ZNF451: variants seen among roughly 807,000 people sequenced by gnomAD.
ZNF451 encodes E3 SUMO-protein ligase ZNF451.
ZNF451 carries 80 observed loss-of-function variants against 107.1 expected under a neutral mutation model. The observed-to-expected ratio is 0.75, with a 90% CI of 0.62 to 0.90. ZNF451 has a LOEUF of 0.90. ZNF451 is among the 40% of genes least tolerant of loss of function. ZNF451 has a pLI of 0.00. For missense variants in ZNF451, 1,107 were observed against 1,236.2 expected (o/e 0.90, Z 1.57); for synonymous variants, 362 against 406.5 (o/e 0.89, Z 1.32).
intron 3 of ZNF451, chr6:57,115,132 T>A (rs1056515867): frequency 6.6e-6 from 1 of 152,178 alleles, no homozygotes; most frequent in Non-Finnish European, 1.5e-5. Flanking sequence ...TGTTGGTACA[T>A]GCCTGTAGGC....
intron 3 of ZNF451, chr6:57,099,575 G>A (rs918517452): frequency 1.4e-6 from 1 of 712,976 alleles, no homozygotes; most frequent in Non-Finnish European, 2.6e-6. Flanking sequence ...AATGGAAAGT[G>A]GGGGAAGGGT....
chr6:57,152,091 T>C, intron 11 of ZNF451, 130 bp from the exon 12 acceptor site: 1 of 703,280 alleles, frequency 1.4e-6, no homozygotes, highest in Non-Finnish European at 2.2e-6. Context: ...TAGGATGGAG[T>C]TCTTCCACAT....
chr6:57,120,885 T>C (rs1830606845), intron 3 of ZNF451, among the ~76,000 whole-genome samples: 1 of 152,238 alleles, frequency 6.6e-6, no homozygotes, highest in Admixed American at 6.5e-5. Flanking sequence ...GTTTTAAGTT[T>C]AATGAAGTGC....
chr6:57,137,120 TG>T (rs565253191), intron 7 of ZNF451, among the ~76,000 whole-genome samples: 125 of 152,248 alleles, frequency 8.2e-4, no homozygotes, highest in Non-Finnish European at 1.4e-3. Flanking sequence ...TAACCTTCAA[TG>T]ATTGCTTATT....
At chr6:57,100,575 G>C in intron 3 of ZNF451, 1 of 1,450,084 alleles carries the variant, frequency 6.9e-7, no homozygotes, top group Non-Finnish European at 9.1e-7. Context: ...TTTCTTCCTT[G>C]GTTTTCTTGT....
At chr6:57,107,616 A>C in intron 3 of ZNF451, 1 of 985,320 alleles carries the variant, frequency 1.0e-6, no homozygotes, top group South Asian at 4.7e-5. Context: ...TATATCTTAA[A>C]GTTAACCCGT....
intron 14 of ZNF451, among the ~76,000 whole-genome samples, chr6:57,162,199 G>T (rs1763700767): frequency 6.6e-6 from 1 of 152,190 alleles, no homozygotes; most frequent in South Asian, 2.1e-4. Flanking sequence ...GGGTAGGAAT[G>T]TGGAGGCTGG....
At chr6:57,100,624 C>A in intron 3 of ZNF451, 1 of 1,529,908 alleles carries the variant, frequency 6.5e-7, no homozygotes, top group Non-Finnish European at 8.8e-7. Flanking sequence ...ATCTAAGGTG[C>A]CATCCTCTGA....
At position 57,141,322 on chromosome 6, in the gene ZNF451, T is replaced by C; in HGVS notation, c.723T>C (p.His241=). 6 of 1,611,444 alleles carry C rather than the reference T, an allele frequency of 3.7e-6. No homozygotes were observed. Among genetic ancestry groups the C allele is most frequent in the Non-Finnish European group, 5.1e-6 (6 of 1,178,604 alleles). ...TTTAGGAAGCCACAGATGATGGACA[T>C]AACAACAACCTTCTTCCTCAGATTA... ...LFDKEATDDG[H]NNNLLPQIIQ... Residue 241 remains histidine (H), a synonymous_variant, in exon 8 of 15, where the codon CAT becomes CAC. Transcript: ENST00000370706.
At position 57,108,885 on chromosome 6, in the gene ZNF451, C is replaced by T. The variant is rs926608340; in HGVS notation, c.186+9744C>T. On this transcript the variant is annotated intron_variant, in intron 3 of 14. Transcript: ENST00000370706. ...CTTCATTAAGTCATTAAGCAACTTG[C>T]TCAGGTGGTGGAACTGAGCTTTAAA... is the stretch of plus-strand genomic sequence containing the variant. The T allele has an allele frequency of 4.1e-6, 4 of 985,298 alleles. No homozygotes were observed. In the African/African-American group the frequency reaches 5.2e-5, roughly 13 times the overall value. 61.0% of individuals were successfully genotyped at this position (985,298 alleles called of 1,614,324 possible).
At position 57,121,130 on chromosome 6, in the gene ZNF451, G is replaced by A. The variant is rs118078177; in HGVS notation, c.187-3604G>A. On this transcript the variant is annotated intron_variant, in intron 3 of 14. Coordinates refer to ENST00000370706, the MANE Select transcript of ZNF451 (RefSeq NM_001031623.3). ...ATGTCTACTTGTTCAAACACCATTT[G>A]TTGGAAAGACTGTCTTTTCTCCATT... is the stretch of plus-strand genomic sequence containing the variant. Among the ~76,000 whole-genome samples, 68 of 152,232 alleles carry A rather than the reference G, an allele frequency of 4.5e-4. No homozygotes were observed. The East Asian group carries it at 8.9e-3, about 20-fold the overall frequency.
chr6:57,105,440 A>G (rs193014763), intron 3 of ZNF451: 164 of 985,354 alleles, frequency 1.7e-4, no homozygotes, highest in South Asian at 4.7e-5. Flanking sequence ...TCTTGCATAT[A>G]TTGCTGGTGG....
intron 12 of ZNF451, among the ~76,000 whole-genome samples, chr6:57,152,972 C>T (rs990556816): frequency 2.6e-5 from 4 of 152,152 alleles, no homozygotes; most frequent in Admixed American, 2.0e-4. Context: ...TTAACAATCA[C>T]TGTTGGCCTA....
chr6:57,138,697 G>T, intron 7 of ZNF451, among the ~76,000 whole-genome samples: 1 of 107,614 alleles, frequency 9.3e-6, no homozygotes, highest in African/African-American at 3.6e-5. Flanking sequence ...TGTATTTGCA[G>T]CTATGCCATA....
intron 3 of ZNF451, chr6:57,101,806 A>G: frequency 6.4e-7 from 1 of 1,550,578 alleles, no homozygotes; most frequent in Non-Finnish European, 8.7e-7. Context: ...GCTTCGACTT[A>G]CATCTCTCAC....
intron 3 of ZNF451, chr6:57,101,284 GT>G (rs1829584173): frequency 6.4e-7 from 1 of 1,550,818 alleles, no homozygotes; most frequent in Non-Finnish European, 8.7e-7. Flanking sequence ...ACCTGATTGT[GT>G]GACTTCTAAA....
At chr6:57,106,111 C>G in intron 3 of ZNF451, 1 of 985,298 alleles carries the variant, frequency 1.0e-6, no homozygotes, top group Non-Finnish European at 1.2e-6. Flanking sequence ...AGGATAACCT[C>G]TCAGGTACTG....
intron 10 of ZNF451, among the ~76,000 whole-genome samples, chr6:57,150,160 G>A (rs1226897118): frequency 6.6e-6 from 1 of 152,104 alleles, no homozygotes; most frequent in Non-Finnish European, 1.5e-5. Context: ...TTTATAGGGG[G>A]AGGTGTCTCT....
At chr6:57,135,859 T>C (rs995503443) in intron 7 of ZNF451, among the ~76,000 whole-genome samples, 3 of 152,156 alleles carry the variant, frequency 2.0e-5, no homozygotes, top group Non-Finnish European at 4.4e-5. Context: ...CGAATAAATA[T>C]TAGATTTTGA....
Sources: gnomAD v4.1 joint callset for allele counts (sites outside exome capture counted in the v4.1 genomes callset) on GRCh38, gnomAD v4.1.1 for gene constraint, MANE v1.5 for transcripts, NCBI Gene and HGNC (gene_info 2026-07-23, HGNC 2026-07-21) for gene names.